MMP16: variants seen among roughly 807,000 people sequenced by gnomAD.
MMP16 encodes matrix metalloproteinase-16.
MMP16 carries 12 observed loss-of-function variants against 67.8 expected under a neutral mutation model. The ratio of observed to expected loss-of-function variants is 0.18; its 90% CI spans 0.11 to 0.29. The LOEUF is 0.29. MMP16 is among the 10% of genes least tolerant of loss of function. The probability of loss-of-function intolerance (pLI) is 1.00; values close to 1 mark genes in which losing one functional copy is unlikely to be tolerated. For missense variants in MMP16, 475 were observed against 765.7 expected (o/e 0.62, Z 4.48); for synonymous variants, 249 against 255.9 (o/e 0.97, Z 0.26).
intron 1 of MMP16, among the ~76,000 whole-genome samples, chr8:88,268,824 GTTC>G (rs773317971): frequency 7.9e-4 from 46 of 58,130 alleles, no homozygotes; most frequent in Admixed American, 1.5e-3. Context: ...CTTTGTTATT[GTTC>G]TTTTTTTTTT....
intron 1 of MMP16, among the ~76,000 whole-genome samples, chr8:88,293,832 A>T (rs1051377539): frequency 6.6e-6 from 1 of 152,152 alleles, no homozygotes; most frequent in Non-Finnish European, 1.5e-5. Flanking sequence ...TCTTCTTTAC[A>T]TAAAGCTATC....
At chr8:88,176,421 T>G (rs942339009) in intron 3 of MMP16, among the ~76,000 whole-genome samples, 1 of 152,162 alleles carries the variant, frequency 6.6e-6, no homozygotes. Context: ...TAAATAAGGA[T>G]TCAGAGATAC....
chr8:88,108,907 G>A (rs1809287345), intron 6 of MMP16, among the ~76,000 whole-genome samples: 1 of 151,268 alleles, frequency 6.6e-6, no homozygotes, highest in Non-Finnish European at 1.5e-5. Context: ...GTAAAGTTGT[G>A]TGTTGTAAAG....
intron 1 of MMP16, among the ~76,000 whole-genome samples, chr8:88,296,024 T>G (rs1801886563): frequency 6.7e-6 from 1 of 149,110 alleles, no homozygotes; most frequent in African/African-American, 2.4e-5. Flanking sequence ...AACTGTATAT[T>G]AATCCTACTT....
chr8:88,262,708 GT>G (rs1192610047), intron 1 of MMP16, among the ~76,000 whole-genome samples: 1 of 151,868 alleles, frequency 6.6e-6, no homozygotes, highest in Non-Finnish European at 1.5e-5. Flanking sequence ...GTAAGTTAAA[GT>G]TTTTGAATTC....
intron 1 of MMP16, among the ~76,000 whole-genome samples, chr8:88,203,158 C>T (rs1440157747): frequency 7.6e-6 from 1 of 132,030 alleles, no homozygotes; most frequent in Non-Finnish European, 1.5e-5. Context: ...GGCTGGAGTG[C>T]AGTGGTGTAA....
chr8:88,104,861 T>C (rs1809209907), intron 6 of MMP16, among the ~76,000 whole-genome samples: 1 of 149,552 alleles, frequency 6.7e-6, no homozygotes, highest in Non-Finnish European at 1.5e-5. Flanking sequence ...CAAAACAGTT[T>C]AAAAAGAAAA....
At chr8:88,273,875 T>C (rs552499080) in intron 1 of MMP16, among the ~76,000 whole-genome samples, 1 of 152,114 alleles carries the variant, frequency 6.6e-6, no homozygotes, top group South Asian at 2.1e-4. Flanking sequence ...TAAGTATAGA[T>C]CAAAGTCCTG....
At chr8:88,234,651 C>T (rs1809913045) in intron 1 of MMP16, among the ~76,000 whole-genome samples, 1 of 152,202 alleles carries the variant, frequency 6.6e-6, no homozygotes, top group Non-Finnish European at 1.5e-5. Context: ...CAGAGTTAGA[C>T]TCTGACCTTT....
At chr8:88,300,250 T>C (rs997750856) in intron 1 of MMP16, among the ~76,000 whole-genome samples, 1 of 152,220 alleles carries the variant, frequency 6.6e-6, no homozygotes, top group Non-Finnish European at 1.5e-5. Context: ...CTTTCTATGT[T>C]AAATAATTAT....
intron 6 of MMP16, among the ~76,000 whole-genome samples, chr8:88,090,394 A>G (rs1392807423): frequency 6.6e-6 from 1 of 151,954 alleles, no homozygotes; most frequent in African/African-American, 2.4e-5. Flanking sequence ...TAATTTTATA[A>G]TTATTCTTCC....
chr8:88,163,085 C>G (rs572560532), intron 4 of MMP16, among the ~76,000 whole-genome samples: 111 of 152,064 alleles, frequency 7.3e-4, no homozygotes, highest in Non-Finnish European at 1.2e-3. Flanking sequence ...GAAGGCAAAC[C>G]TTAGGCACAC....
rs201442754 is a variant in MMP16 at position 88,060,462 on chromosome 8, G to GCA, written c.1223-4186_1223-4185dup. 7.8e-3 allele frequency among the ~76,000 whole-genome samples: 1,186 copies of GCA among 152,020 alleles called. 7 individuals carry two copies. Among genetic ancestry groups the GCA allele is most frequent in the African/African-American group, 0.027 (1,118 of 41,460 alleles). The stretch of plus-strand genomic sequence containing the variant: ...TTAAAAATTTCAGTGGTTTCTTATT[G>GCA]CATTCAGGATAAAACCCAAATTCAT... On this transcript the variant is annotated intron_variant, in intron 7 of 9. Transcript: ENST00000286614.
chr8:88,085,763 G>A (rs1808823442), intron 6 of MMP16, among the ~76,000 whole-genome samples: 1 of 151,956 alleles, frequency 6.6e-6, no homozygotes, highest in African/African-American at 2.4e-5. Flanking sequence ...AGAAAAGGGA[G>A]TTGATATATT....
At chr8:88,065,940 T>G (rs1808458296) in intron 7 of MMP16, among the ~76,000 whole-genome samples, 1 of 152,144 alleles carries the variant, frequency 6.6e-6, no homozygotes, top group Admixed American at 6.6e-5. Flanking sequence ...ATCTTGTGTA[T>G]GCCATTTTTA....
chr8:88,301,234 A>T (rs1166922340), intron 1 of MMP16, among the ~76,000 whole-genome samples: 5 of 152,140 alleles, frequency 3.3e-5, no homozygotes, highest in African/African-American at 1.2e-4. Context: ...GGGGGGAAAG[A>T]AAGTCCTTTC....
chr8:88,113,023 C>T (rs1013972393), intron 6 of MMP16, among the ~76,000 whole-genome samples: 3 of 151,786 alleles, frequency 2.0e-5, no homozygotes, highest in South Asian at 2.1e-4. Flanking sequence ...TCAGGGATTT[C>T]ATTTAGGCTG....
chr8:88,282,081 T>TGA (rs1482328745), intron 1 of MMP16, among the ~76,000 whole-genome samples: 1 of 33,628 alleles, frequency 3.0e-5, no homozygotes, highest in African/African-American at 1.1e-4. Context: ...TTTTTCTTTT[T>TGA]TGGGGGGGGG....
intron 7 of MMP16, among the ~76,000 whole-genome samples, chr8:88,067,747 G>A (rs1321505572): frequency 1.3e-5 from 2 of 152,096 alleles, no homozygotes; most frequent in African/African-American, 4.8e-5. Context: ...ATGTGAATCA[G>A]TACTTCATTC....
Sources: gnomAD v4.1 joint callset for allele counts (sites outside exome capture counted in the v4.1 genomes callset) on GRCh38, gnomAD v4.1.1 for gene constraint, MANE v1.5 for transcripts, NCBI Gene and HGNC (gene_info 2026-07-23, HGNC 2026-07-21) for gene names.